RFX3: variants seen among roughly 807,000 people sequenced by gnomAD.
RFX3 encodes regulatory factor X3, also known as transcription factor RFX3.
A neutral mutation model predicts 98.6 loss-of-function variants in RFX3; 14 were observed. The ratio of observed to expected loss-of-function variants is 0.14; its 90% confidence interval spans 0.09 to 0.22. RFX3 has a LOEUF of 0.22. Among genes scored for constraint, RFX3 ranks in the 10% least tolerant of loss-of-function variants. RFX3 has a pLI of 1.00. For synonymous variants in RFX3, 383 were observed against 328.4 expected, an observed-to-expected ratio of 1.17 and a Z score of -1.80; for missense variants, 639 against 926.9, an observed-to-expected ratio of 0.69 and a Z score of 4.03.
chr9:3,225,066 T>C lies in RFX3; in HGVS notation c.2226A>G (p.Thr742=), dbSNP rs757761534. 11 of 1,613,836 alleles carry C rather than the reference T, an allele frequency of 6.8e-6. No individual in the cohort carries two copies. The Admixed American group carries it at 1.7e-4, about 24-fold the overall frequency. The part of the protein sequence containing the change: ...STQTIRQCSA[T]GNTYTAV Reference sequence around the variant, plus strand: ...TTTAGACTGCAGTGTAGGTATTTCCTGTAGCGCTGCACTGTCTGATAGTCT... The same window carrying C: ...TTTAGACTGCAGTGTAGGTATTTCCCGTAGCGCTGCACTGTCTGATAGTCT... Residue 742 remains threonine (T), a synonymous_variant, in exon 17 of 17, where the codon ACA becomes ACG. Transcript: ENST00000617270.
chr9:3,468,815 G>GAAA (rs34057815), intron 1 of RFX3, among the ~76,000 whole-genome samples: 29 of 84,266 alleles, frequency 3.4e-4, no homozygotes, highest in Middle Eastern at 6.3e-3. Context: ...TTTTCCTTTT[G>GAAA]AAAAAAAAAA....
At chr9:3,263,630 T>G (rs1469098298) in intron 12 of RFX3, among the ~76,000 whole-genome samples, 2 of 152,236 alleles carry the variant, frequency 1.3e-5, no homozygotes, top group African/African-American at 2.4e-5. Flanking sequence ...GGCGAGATTA[T>G]CAGAGGCAAC....
chr9:3,257,064 G>A lies in RFX3; in HGVS notation c.1741C>T (p.Leu581=), dbSNP rs1822235415. The change falls in exon 14 of 17, where the codon CTG becomes TTG. Residue 581 remains leucine (L), a synonymous_variant. Transcript: ENST00000617270. ...AWLDNVMMQA[L]KPYEGRPSFP... Reference sequence around the variant, plus strand: ...CTGGGTCTTCCTTCATAGGGTTTCAGTGCTTGCATCATCACATTGTCAAGC... The same window carrying A: ...CTGGGTCTTCCTTCATAGGGTTTCAATGCTTGCATCATCACATTGTCAAGC... The A allele has an allele frequency of 6.2e-7, 1 of 1,614,030 alleles. No homozygotes were observed. Among genetic ancestry groups the A allele is most frequent in the Non-Finnish European group, 8.5e-7 (1 of 1,179,986 alleles).
At chr9:3,424,489 G>C (rs1257295222) in intron 1 of RFX3, among the ~76,000 whole-genome samples, 1 of 148,722 alleles carries the variant, frequency 6.7e-6, no homozygotes, top group African/African-American at 2.5e-5. Context: ...AGCCTCCCGA[G>C]TAGCTGGGAC....
At chr9:3,406,207 C>T (rs1186117040) in intron 1 of RFX3, among the ~76,000 whole-genome samples, 1 of 152,018 alleles carries the variant, frequency 6.6e-6, no homozygotes, top group Non-Finnish European at 1.5e-5. Flanking sequence ...AAGTGATCCA[C>T]CTGCCTCAGC....
At chr9:3,325,493 T>TGTTA (rs1831806367) in intron 4 of RFX3, among the ~76,000 whole-genome samples, 3 of 152,108 alleles carry the variant, frequency 2.0e-5, no homozygotes, top group Non-Finnish European at 2.9e-5. Context: ...TGGGATCTAA[T>TGTTA]GTTAGCAACA....
chr9:3,372,326 C>G (rs1222853925), intron 2 of RFX3, among the ~76,000 whole-genome samples: 2 of 152,170 alleles, frequency 1.3e-5, no homozygotes, highest in African/African-American at 2.4e-5. Flanking sequence ...TGATAATTAT[C>G]CACAGCTGTA....
intron 7 of RFX3, among the ~76,000 whole-genome samples, chr9:3,286,859 G>A (rs566263913): frequency 2.0e-5 from 3 of 151,938 alleles, no homozygotes; most frequent in Non-Finnish European, 4.4e-5. Context: ...TCACCGCTAG[G>A]TGAATTTTCC....
chr9:3,262,830 G>C (rs1435730887), intron 13 of RFX3, 105 bp downstream of exon 13: 9 of 1,145,500 alleles, frequency 7.9e-6, no homozygotes, highest in Non-Finnish European at 1.0e-5. Flanking sequence ...TATAGATGCT[G>C]CCATATATAG....
At chr9:3,275,886 C>CT (rs1825145578) in intron 8 of RFX3, among the ~76,000 whole-genome samples, 2 of 151,996 alleles carry the variant, frequency 1.3e-5, no homozygotes, top group Non-Finnish European at 2.9e-5. Flanking sequence ...ATCACAGTGT[C>CT]TCTCAACACA....
intron 1 of RFX3, among the ~76,000 whole-genome samples, 200 bp downstream of exon 1, chr9:3,525,547 G>C (rs898304606): frequency 6.6e-6 from 1 of 151,828 alleles, no homozygotes; most frequent in Non-Finnish European, 1.5e-5. Context: ...ACCCAGCCGC[G>C]GCGCGCAGGG....
intron 12 of RFX3, among the ~76,000 whole-genome samples, chr9:3,264,709 C>A (rs946419526): frequency 6.6e-6 from 1 of 152,156 alleles, no homozygotes; most frequent in Non-Finnish European, 1.5e-5. Flanking sequence ...CCAAAAGCCA[C>A]AGTAGTTGGA....
chr9:3,235,271 T>C (rs1229303560), intron 15 of RFX3, among the ~76,000 whole-genome samples: 1 of 152,026 alleles, frequency 6.6e-6, no homozygotes, highest in East Asian at 1.9e-4. Flanking sequence ...TAAAAGCAAA[T>C]AGGGAGTGTT....
intron 2 of RFX3, among the ~76,000 whole-genome samples, chr9:3,358,130 T>C (rs1835988246): frequency 6.6e-6 from 1 of 152,126 alleles, no homozygotes; most frequent in South Asian, 2.1e-4. Flanking sequence ...CTTTAAGCAA[T>C]GATTTCCTTG....
At chr9:3,261,560 G>C (rs572442650) in intron 13 of RFX3, among the ~76,000 whole-genome samples, 5 of 152,168 alleles carry the variant, frequency 3.3e-5, no homozygotes, top group Admixed American at 6.5e-5. Flanking sequence ...ACGGACATTT[G>C]GGTTGTTTCT....
At chr9:3,408,165 C>T (rs773769934) in intron 1 of RFX3, among the ~76,000 whole-genome samples, 1 of 152,156 alleles carries the variant, frequency 6.6e-6, no homozygotes, top group African/African-American at 2.4e-5. Context: ...CTGACCTTTA[C>T]ATTTGATCAC....
intron 1 of RFX3, among the ~76,000 whole-genome samples, chr9:3,503,686 T>C (rs756630150): frequency 1.4e-4 from 21 of 152,112 alleles, no homozygotes; most frequent in Non-Finnish European, 2.2e-4. Context: ...TAATCTCTCA[T>C]TTGCCTTTTA....
chr9:3,460,588 T>TA (rs1263002123), intron 1 of RFX3, among the ~76,000 whole-genome samples: 2 of 151,726 alleles, frequency 1.3e-5, no homozygotes, highest in East Asian at 3.8e-4. Flanking sequence ...TTGAAACTGA[T>TA]AAACTCAGTC....
At chr9:3,505,910 C>T (rs115996259) in intron 1 of RFX3, among the ~76,000 whole-genome samples, 2,332 of 151,848 alleles carry the variant, frequency 0.015, 78 homozygotes, top group African/African-American at 0.053. Flanking sequence ...AGGGCAGAGG[C>T]CCTTGAAGAA....
Sources: allele counts gnomAD v4.1 joint callset (sites outside exome capture counted in the v4.1 genomes callset), GRCh38; gene constraint gnomAD v4.1.1; transcripts MANE v1.5; gene names NCBI Gene and HGNC (gene_info 2026-07-23, HGNC 2026-07-21).